The following SCN3A variants were observed in gnomAD, a reference collection of about 807,000 sequenced individuals.
SCN3A encodes the protein sodium voltage-gated channel alpha subunit 3, also known as sodium channel protein type 3 subunit alpha.
A neutral mutation model predicts 187.6 loss-of-function variants in SCN3A; 60 were observed. That is an observed-to-expected ratio of 0.32 (90% CI 0.26 to 0.40). The LOEUF is 0.40. SCN3A is among the 10% of genes least tolerant of loss of function. The pLI, the probability that SCN3A is intolerant of heterozygous loss-of-function variation, is 1.00. For synonymous variants in SCN3A, 788 were observed against 829.2 expected, an observed-to-expected ratio of 0.95 and a Z score of 0.85; for missense variants, 1,601 against 2,428.2, an observed-to-expected ratio of 0.66 and a Z score of 7.16.
chr2:165,108,516 G>T (rs984986663), intron 21 of SCN3A, among the ~76,000 whole-genome samples: 1 of 152,142 alleles, frequency 6.6e-6, no homozygotes, highest in South Asian at 2.1e-4. Context: ...AATACTTCAT[G>T]ATGGTTGAAT....
chr2:165,130,000 G>A lies in SCN3A; in HGVS notation c.2862C>T (p.Val954=), dbSNP rs775011838. ...WIETMWDCME[V]AGQTMCLIVF... ...CAATAAGGCACATGGTTTGGCCAGC[G>A]ACCTCCATACAGTCCCACATGGTCT... The change falls in exon 17 of 28, where the codon GTC becomes GTT. Residue 954 remains valine, a synonymous_variant. Transcript: ENST00000283254. The A allele has an allele frequency of 1.8e-5, 29 of 1,613,936 alleles. No individual in the cohort carries two copies. Among genetic ancestry groups the A allele is most frequent in the African/African-American group, 4.0e-5 (3 of 74,876 alleles).
In SCN3A at chr2:165,203,160, A is replaced by G. The variant is rs143469647; in HGVS notation, c.-248+663T>C. ...AGAATATATAATAATCTTTAAATCA[A>G]TAAATTAAAAGGTAAACATTTAATA... On this transcript the variant is annotated intron_variant, in intron 1 of 27. Transcript: ENST00000283254. Among the ~76,000 whole-genome samples, 953 of 152,080 alleles carry G rather than the reference A, an allele frequency of 6.3e-3. 6 individuals carry two copies. Among genetic ancestry groups the G allele is most frequent in the African/African-American group, 0.022 (910 of 41,554 alleles).
intron 6 of SCN3A, 33 bp from the exon 7 acceptor site, chr2:165,163,742 AAC>A (rs773720858): frequency 2.5e-6 from 4 of 1,613,636 alleles, no homozygotes; most frequent in Non-Finnish European, 3.4e-6. Flanking sequence ...CAAACACAAT[AAC>A]ACACAAGAAA....
intron 2 of SCN3A, among the ~76,000 whole-genome samples, chr2:165,181,237 G>A (rs978450954): frequency 1.3e-5 from 2 of 152,146 alleles, no homozygotes. Context: ...GGAAAAGGGA[G>A]TGTTTTAATT....
intron 21 of SCN3A, among the ~76,000 whole-genome samples, chr2:165,100,816 T>G: frequency 6.6e-6 from 1 of 152,238 alleles, no homozygotes; most frequent in Non-Finnish European, 1.5e-5. Flanking sequence ...ATATCTTAGT[T>G]ATGCATTCTG....
chr2:165,088,541 C>T lies in SCN3A; in HGVS notation c.*1609G>A, dbSNP rs562378078. On this transcript the variant is annotated 3_prime_UTR_variant, in exon 28 of 28. Transcript: ENST00000283254. ...GTTTGAGTGTTTGACCAATGTATCT[C>T]CTATTGGAATGGTAGAAAATATATT... 2 of 152,292 alleles carry T rather than the reference C, an allele frequency of 1.3e-5. No individual in the cohort carries two copies. The highest frequency in any genetic ancestry group is 4.2e-4 in the South Asian group (2 of 4,814). 9.4% of individuals were successfully genotyped at this position (152,292 alleles called of 1,614,324 possible).
chr2:165,177,505 C>G (rs939731715), intron 2 of SCN3A, among the ~76,000 whole-genome samples: 2 of 152,178 alleles, frequency 1.3e-5, no homozygotes, highest in East Asian at 3.8e-4. Flanking sequence ...TTCAGTTTCC[C>G]TAGCTATTTT....
chr2:165,129,517 A>G (rs953036949), intron 17 of SCN3A, among the ~76,000 whole-genome samples: 6 of 152,246 alleles, frequency 3.9e-5, no homozygotes, highest in Non-Finnish European at 8.8e-5. Context: ...AGCAAACTAC[A>G]TGAACTATGA....
At chr2:165,175,744 T>C (rs1359613780) in intron 3 of SCN3A, among the ~76,000 whole-genome samples, 1 of 152,182 alleles carries the variant, frequency 6.6e-6, no homozygotes, top group African/African-American at 2.4e-5. Flanking sequence ...AAGTCAGTCA[T>C]GAACTAAAAA....
At chr2:165,143,134 G>A (rs891191227) in intron 12 of SCN3A, among the ~76,000 whole-genome samples, 2 of 152,074 alleles carry the variant, frequency 1.3e-5, no homozygotes, top group Non-Finnish European at 2.9e-5. Context: ...CCAGATTTTG[G>A]AATATGGATT....
chr2:165,103,495 C>T (rs1296869529), intron 21 of SCN3A, among the ~76,000 whole-genome samples: 1 of 152,124 alleles, frequency 6.6e-6, no homozygotes, highest in Non-Finnish European at 1.5e-5. Context: ...ATGAGATACC[C>T]ATTTCCAAAA....
chr2:165,105,963 A>T (rs148297722), intron 21 of SCN3A, among the ~76,000 whole-genome samples: 2 of 152,118 alleles, frequency 1.3e-5, no homozygotes, highest in Non-Finnish European at 2.9e-5. Context: ...TTTTATCTTT[A>T]TGGTTTATTT....
At chr2:165,155,075 A>G (rs1179540337) in intron 10 of SCN3A, among the ~76,000 whole-genome samples, 4 of 152,198 alleles carry the variant, frequency 2.6e-5, no homozygotes, top group Non-Finnish European at 5.9e-5. Context: ...GTTAATAGCT[A>G]GAGCTTTAAT....
intron 21 of SCN3A, among the ~76,000 whole-genome samples, chr2:165,102,372 C>T (rs1685648269): frequency 6.6e-6 from 1 of 152,016 alleles, no homozygotes; most frequent in Non-Finnish European, 1.5e-5. Context: ...AATGATTAGC[C>T]AGGGATGGTG....
In SCN3A at chr2:165,147,065, C is replaced by T; in HGVS notation, c.1381-36G>A. 1.9e-6 allele frequency: 3 copies of T among 1,612,358 alleles called. No homozygotes were observed. The South Asian group carries it at 3.3e-5, about 18-fold the overall frequency. On this transcript the variant is annotated intron_variant, in intron 11 of 27. Coordinates refer to ENST00000283254, the MANE Select transcript of SCN3A (RefSeq NM_006922.4). ...ACAAAGCCAGGCACTATTTAGAACA[C>T]AGAGCTTTGAAAACAGTTGAGTATG...
At chr2:165,190,586 T>TTATATATATATAACTTTATATA (rs1553542863) in intron 1 of SCN3A, among the ~76,000 whole-genome samples, 1 of 143,224 alleles carries the variant, frequency 7.0e-6, no homozygotes, top group African/African-American at 2.7e-5. Flanking sequence ...ATATAAAACT[T>TTATATATATATAACTTTATATA]TATATATATA....
At chr2:165,164,273 T>A in intron 6 of SCN3A, 119 bp downstream of exon 6, 1 of 1,264,066 alleles carries the variant, frequency 7.9e-7, no homozygotes, top group Non-Finnish European at 1.1e-6. Context: ...AAATACACAA[T>A]CCATATAGTT....
intron 5 of SCN3A, among the ~76,000 whole-genome samples, chr2:165,166,278 G>C (rs1016914026): frequency 2.3e-5 from 3 of 131,142 alleles, no homozygotes; most frequent in Admixed American, 2.3e-4. Flanking sequence ...AGCCTACTGA[G>C]ACAGAGCTCT....
chr2:165,182,719 C>G (rs1690961484), intron 2 of SCN3A, among the ~76,000 whole-genome samples: 1 of 152,010 alleles, frequency 6.6e-6, no homozygotes, highest in African/African-American at 2.4e-5. Context: ...TGTTTGGAAC[C>G]TGTTCAGTTT....
Sources: allele counts gnomAD v4.1 joint callset (sites outside exome capture counted in the v4.1 genomes callset), GRCh38; gene constraint gnomAD v4.1.1; transcripts MANE v1.5; gene names NCBI Gene and HGNC (gene_info 2026-07-23, HGNC 2026-07-21).